Variants in STAC2 observed in about 807,000 individuals in gnomAD.
STAC2 encodes SH3 and cysteine-rich domain-containing protein 2.
A neutral mutation model predicts 49.0 loss-of-function variants in STAC2; 36 were observed. The ratio of observed to expected loss-of-function variants is 0.74; its 90% CI spans 0.56 to 0.97. STAC2 has a LOEUF of 0.97. Ranked by LOEUF, STAC2 falls within the 50% of genes least tolerant of loss-of-function variation. The pLI is 0.00. For missense variants in STAC2, 527 were observed against 543.8 expected (o/e 0.97, Z 0.31); for synonymous variants, 239 against 214.7 (o/e 1.11, Z -0.99).
intron 2 of STAC2, 29 bp downstream of exon 2, chr17:39,217,838 C>G (rs373427601): frequency 6.3e-7 from 1 of 1,576,896 alleles, no homozygotes; most frequent in East Asian, 2.3e-5. Flanking sequence ...GGCCCCTCCC[C>G]GTGGCCGCCT....
intron 4 of STAC2, 67 bp downstream of exon 4, chr17:39,216,743 G>C: frequency 2.1e-6 from 3 of 1,444,908 alleles, no homozygotes; most frequent in East Asian, 4.9e-5. Flanking sequence ...GGCCAGGCTG[G>C]TCAGGGATGT....
intron 1 of STAC2, among the ~76,000 whole-genome samples, chr17:39,220,113 C>T (rs910329177): frequency 2.6e-5 from 4 of 152,240 alleles, no homozygotes; most frequent in African/African-American, 9.6e-5. Flanking sequence ...CTTCCAAACC[C>T]AGCTTCCTGG....
In STAC2 at chr17:39,215,206, A is replaced by G; in HGVS notation, c.611T>C (p.Val204Ala). The G allele has an allele frequency of 6.2e-7, 1 of 1,613,846 alleles. No individual in the cohort carries two copies. Among genetic ancestry groups the G allele is most frequent in the East Asian group, 2.2e-5 (1 of 44,890 alleles). Residue 204 changes from valine (V) to alanine (A), a missense_variant, in exon 5 of 11, where the codon GTC (valine) becomes GCC (alanine). By Grantham distance (64) the Val-to-Ala change is moderately conservative. Coordinates refer to ENST00000333461, the MANE Select transcript of STAC2 (RefSeq NM_198993.5). The stretch of plus-strand genomic sequence containing the variant: ...GGTGCCATAGCGCAGGGTCTCGTAG[A>G]CAGGGTCCACCTTCCCACTGTCCCC... ...PTGDSGKVDP[V>A]YETLRYGTSL...
intron 1 of STAC2, among the ~76,000 whole-genome samples, chr17:39,219,157 G>C (rs1043819866): frequency 1.3e-5 from 2 of 152,048 alleles, no homozygotes; most frequent in Non-Finnish European, 2.9e-5. Flanking sequence ...ACCGTCCAAG[G>C]CTCTCGCCCC....
rs1159902195 is a variant in STAC2, at chr17:39,225,237, C to G, written c.90+176G>C. Among the ~76,000 whole-genome samples, 1 of 152,174 alleles carries G rather than the reference C, an allele frequency of 6.6e-6. No homozygotes were observed. Among genetic ancestry groups the G allele is most frequent in the African/African-American group, 2.4e-5 (1 of 41,462 alleles). ...CGTGCGGTGCCGGTGTGATCGGGGGCTCCTTGTGGCCCCTCGTCGCCAACC... is the reference window on the plus strand; with the variant it reads ...CGTGCGGTGCCGGTGTGATCGGGGGGTCCTTGTGGCCCCTCGTCGCCAACC... On this transcript the variant is annotated intron_variant, in intron 1 of 10. Transcript: ENST00000333461. The surrounding 1 kb of genome is among the most constrained non-coding windows in gnomAD (Gnocchi z 8.2).
At chr17:39,220,921 C>T (rs1371391028) in intron 1 of STAC2, among the ~76,000 whole-genome samples, 7 of 151,890 alleles carry the variant, frequency 4.6e-5, no homozygotes, top group South Asian at 2.1e-4. Flanking sequence ...CTCAGCCTCC[C>T]GAGTAGCTAG....
At position 39,225,359 on chromosome 17, in the gene STAC2, G is replaced by T; in HGVS notation, c.90+54C>A. 1 of 1,496,908 alleles carries T rather than the reference G, an allele frequency of 6.7e-7. No individual in the cohort carries two copies. Among genetic ancestry groups the T allele is most frequent in the Non-Finnish European group, 9.0e-7 (1 of 1,114,864 alleles). The allele number at this position is 1,496,908 out of a possible 1,614,324, so 92.7% of individuals were successfully genotyped here. A position where few individuals can be genotyped will look rare whatever the true frequency, so the allele number is the denominator to read the frequency against. ...CCGGGCCCACAGGAGGACCCCGCCG[G>T]GAAGAGGGCGCCCGGGCCCGGGGCG... On this transcript the variant is annotated intron_variant, in intron 1 of 10. Coordinates refer to ENST00000333461, the MANE Select transcript of STAC2 (RefSeq NM_198993.5). This position sits in a 1 kb window ranked among gnomAD's most constrained non-coding sequence, Gnocchi z 8.2.
intron 7 of STAC2, 134 bp from the exon 8 acceptor site, chr17:39,214,464 G>A: frequency 6.7e-7 from 1 of 1,490,810 alleles, no homozygotes; most frequent in East Asian, 2.4e-5. Flanking sequence ...AGGGAGAAGT[G>A]AGACCCTCGT....
At chr17:39,218,636 T>C (rs888263655) in intron 1 of STAC2, among the ~76,000 whole-genome samples, 1 of 152,364 alleles carries the variant, frequency 6.6e-6, no homozygotes, top group African/African-American at 2.4e-5. Context: ...CCTTGCTTTT[T>C]TTCATAAACA....
intron 1 of STAC2, among the ~76,000 whole-genome samples, chr17:39,223,674 A>G (rs2046483382): frequency 6.6e-6 from 1 of 152,074 alleles, no homozygotes; most frequent in African/African-American, 2.4e-5. Flanking sequence ...GCACTCCCAC[A>G]TAGGAGGAGG....
chr17:39,219,914 G>A (rs114445202), intron 1 of STAC2, among the ~76,000 whole-genome samples: 1,602 of 152,334 alleles, frequency 0.011, 30 homozygotes, highest in African/African-American at 0.036. Flanking sequence ...GGTAGCCTAC[G>A]TGCCATGGCT....
intron 10 of STAC2, 149 bp downstream of exon 10, chr17:39,212,846 C>A (rs2046366064): frequency 2.4e-5 from 32 of 1,308,812 alleles, no homozygotes; most frequent in Non-Finnish European, 3.3e-5. Flanking sequence ...GGTAGGAGGG[C>A]CCTGCAACCC....
At position 39,212,980 on chromosome 17, in the gene STAC2, G is replaced by A; in HGVS notation, c.1131+15C>T. ...CCCTCCGCCATAGGGCCTGGGCTGG[G>A]CCTCAGGCACTCACCTGGTTCTCCT... On this transcript the variant is annotated intron_variant, in intron 10 of 10. Coordinates refer to ENST00000333461, the MANE Select transcript of STAC2 (RefSeq NM_198993.5). The A allele has an allele frequency of 6.2e-7, 1 of 1,613,222 alleles. No individual in the cohort carries two copies.
At chr17:39,217,014 T>C in intron 3 of STAC2, 62 bp downstream of exon 3, 1 of 1,607,104 alleles carries the variant, frequency 6.2e-7, no homozygotes, top group Non-Finnish European at 8.5e-7. Context: ...GGGATACTCA[T>C]TCTCCCATGT....
At position 39,225,465 on chromosome 17, in the gene STAC2, T is replaced by C. The variant is rs1307944738; in HGVS notation, c.38A>G (p.Asp13Gly). 5 of 1,609,842 alleles carry C rather than the reference T, an allele frequency of 3.1e-6. No individual in the cohort carries two copies. The African/African-American group carries it at 5.4e-5, about 17-fold the overall frequency. ...EMSEKENEPD[D>G]AATHSPPGTV... ...CCCTGGGGGGCTGTGGGTGGCCGCG[T>C]CATCCGGTTCGTTCTCCTTCTCGCT... The change falls in exon 1 of 11, where the codon GAC (aspartate) becomes GGC (glycine). Residue 13 changes from aspartate to glycine, a missense_variant. Physicochemically the swap from Asp to Gly is moderately conservative, Grantham distance 94 (BLOSUM62 -1). Transcript: ENST00000333461. This position sits in a 1 kb window ranked among gnomAD's most constrained non-coding sequence, Gnocchi z 8.2.
chr17:39,224,875 G>A (rs2046496489), intron 1 of STAC2, among the ~76,000 whole-genome samples: 1 of 152,144 alleles, frequency 6.6e-6, no homozygotes, highest in Admixed American at 6.5e-5. Flanking sequence ...GGCTAGGAGC[G>A]GGGAATGCAG....
At chr17:39,216,083 C>G (rs528261179) in intron 4 of STAC2, among the ~76,000 whole-genome samples, 3 of 152,194 alleles carry the variant, frequency 2.0e-5, no homozygotes, top group Non-Finnish European at 4.4e-5. Context: ...ATGAACCCCT[C>G]ATGCCTCATC....
chr17:39,212,595 AC>A (rs1035386956), intron 10 of STAC2, among the ~76,000 whole-genome samples, 199 bp from the exon 11 acceptor site: 1 of 152,118 alleles, frequency 6.6e-6, no homozygotes, highest in Non-Finnish European at 1.5e-5. Flanking sequence ...GTCAGCAGAC[AC>A]CCAGCAGCAC....
intron 3 of STAC2, 34 bp from the exon 4 acceptor site, chr17:39,216,934 G>T (rs1426452159): frequency 2.5e-6 from 4 of 1,584,424 alleles, no homozygotes; most frequent in Non-Finnish European, 3.4e-6. Context: ...GTTTTGAGGA[G>T]GTCATGGCCT....
Sources: gnomAD v4.1 joint callset for allele counts (sites outside exome capture counted in the v4.1 genomes callset) on GRCh38, gnomAD v4.1.1 for gene constraint, Gnocchi (gnomAD v3.1) non-coding constraint, MANE v1.5 for transcripts, NCBI Gene and HGNC (gene_info 2026-07-23, HGNC 2026-07-21) for gene names.